The following RNF24 variants were observed in gnomAD, a reference collection of about 807,000 sequenced individuals.
RNF24 encodes the protein ring finger protein 24.
A neutral mutation model predicts 20.0 loss-of-function variants in RNF24; 14 were observed. The ratio of observed to expected loss-of-function variants is 0.70; its 90% CI spans 0.46 to 1.10. The LOEUF (loss-of-function observed/expected upper bound fraction) is 1.10. Among genes scored for constraint, RNF24 ranks in the 50% least tolerant of loss-of-function variants. The pLI, the probability that RNF24 is intolerant of heterozygous loss-of-function variation, is 0.00. For missense variants in RNF24, 124 were observed against 177.6 expected (o/e 0.70, Z 1.71); for synonymous variants, 45 against 61.1 (o/e 0.74, Z 1.23).
chr20:3,948,963 TTTAA>T (rs1285891699), intron 2 of RNF24, among the ~76,000 whole-genome samples: 2 of 152,250 alleles, frequency 1.3e-5, no homozygotes, highest in Admixed American at 1.3e-4. Flanking sequence ...CTGATGAATA[TTTAA>T]TTACTTCCTG....
rs148030329 is a variant in RNF24 at position 3,941,739 on chromosome 20, A to G, written c.228+3438T>C. 8.9e-3 allele frequency among the ~76,000 whole-genome samples: 1,358 copies of G among 152,314 alleles called. 20 individuals are homozygous for G. The highest frequency in any genetic ancestry group is 0.031 in the African/African-American group (1,282 of 41,558). On this transcript the variant is annotated intron_variant, in intron 4 of 5. Coordinates refer to ENST00000358395, the MANE Select transcript of RNF24 (RefSeq NM_001134337.3). ...AACATGACCCAACTATGCTGTCTAC[A>G]AGAAAACTCACTTCAAATATAATTC... is the stretch of plus-strand genomic sequence containing the variant.
chr20:4,006,564 C>T (rs1981891876), intron 1 of RNF24, among the ~76,000 whole-genome samples: 2 of 152,198 alleles, frequency 1.3e-5, no homozygotes, highest in Admixed American at 1.3e-4. Flanking sequence ...AATATAAAAA[C>T]ATTCACTACA....
chr20:3,988,389 C>T (rs1222852715), intron 1 of RNF24, among the ~76,000 whole-genome samples: 2 of 150,740 alleles, frequency 1.3e-5, no homozygotes, highest in African/African-American at 4.9e-5. Context: ...GAATAAACAG[C>T]ACTTATCATT....
At chr20:3,943,922 A>G (rs17286768) in intron 4 of RNF24, among the ~76,000 whole-genome samples, 17,675 of 152,078 alleles carry the variant, frequency 0.12, 1,378 homozygotes, top group Non-Finnish European at 0.17. Context: ...TAAAAAATCA[A>G]ACAGTGGCCG....
intron 1 of RNF24, among the ~76,000 whole-genome samples, chr20:3,985,072 G>A (rs1979768068): frequency 6.6e-6 from 1 of 151,986 alleles, no homozygotes; most frequent in African/African-American, 2.4e-5. Flanking sequence ...AACCACCTAG[G>A]TTTATTGGAA....
intron 1 of RNF24, among the ~76,000 whole-genome samples, chr20:3,978,604 T>C (rs1343026746): frequency 6.6e-6 from 1 of 152,082 alleles, no homozygotes; most frequent in Non-Finnish European, 1.5e-5. Context: ...GATTCTAAGA[T>C]ATTTTTAAAT....
rs141787655 is a variant in RNF24 at position 3,933,341 on chromosome 20, G to T, written c.*722C>A. ...CAGCCTCCTGGATCACTCAGGGACA[G>T]TGTGGACTCAGGGCCCACTCCCTGC... is the stretch of plus-strand genomic sequence containing the variant. On this transcript the variant is annotated 3_prime_UTR_variant, in exon 6 of 6. Coordinates refer to ENST00000358395, the MANE Select transcript of RNF24 (RefSeq NM_001134337.3). The T allele has an allele frequency of 0.011, 4,346 of 397,510 alleles. 24 individuals are homozygous for T. The highest frequency in any genetic ancestry group is 0.014 in the Non-Finnish European group (3,088 of 225,966). The allele number at this position is 397,510 out of a possible 1,614,324, so 24.6% of individuals were successfully genotyped here. A position where few individuals can be genotyped will look rare whatever the true frequency, so the allele number is the denominator to read the frequency against.
chr20:3,946,819 A>C (rs1378790650), intron 3 of RNF24, among the ~76,000 whole-genome samples: 1 of 152,154 alleles, frequency 6.6e-6, no homozygotes, highest in Non-Finnish European at 1.5e-5. Context: ...GGGTTACCTA[A>C]GGACATCAGT....
rs932909832 is a variant in RNF24, at chr20:3,933,258, G to A, written c.*805C>T. The A allele has an allele frequency of 1.0e-5, 4 of 398,018 alleles. No homozygotes were observed. Among genetic ancestry groups the A allele is most frequent in the Non-Finnish European group, 1.8e-5 (4 of 226,092 alleles). The allele number at this position is 398,018 out of a possible 1,614,324, so 24.7% of individuals were successfully genotyped here. ...TTCACAGTGGCTCCCTTCTGAGGCA[G>A]TGGCAGTGGGCTCACAGCAGCTACA... On this transcript the variant is annotated 3_prime_UTR_variant, in exon 6 of 6. Transcript: ENST00000358395.
intron 1 of RNF24, among the ~76,000 whole-genome samples, chr20:3,988,737 G>A (rs1220411094): frequency 1.3e-5 from 2 of 152,144 alleles, no homozygotes; most frequent in Non-Finnish European, 2.9e-5. Context: ...GGGATTACAA[G>A]CGTGAGCCAC....
chr20:3,936,380 C>T (rs1035609566), intron 4 of RNF24, among the ~76,000 whole-genome samples: 3 of 152,190 alleles, frequency 2.0e-5, no homozygotes, highest in African/African-American at 7.2e-5. Flanking sequence ...AAGGACATGG[C>T]CTGTCCCACC....
At chr20:3,996,107 C>G (rs539576010) in intron 1 of RNF24, among the ~76,000 whole-genome samples, 5 of 152,244 alleles carry the variant, frequency 3.3e-5, no homozygotes, top group Non-Finnish European at 1.5e-5. Context: ...TGAAGCTGTA[C>G]AAGATATATG....
At chr20:3,986,536 C>T (rs1311930332) in intron 1 of RNF24, among the ~76,000 whole-genome samples, 1 of 152,190 alleles carries the variant, frequency 6.6e-6, no homozygotes. Context: ...GGATCAGAGG[C>T]ATGAGCCACC....
intron 1 of RNF24, among the ~76,000 whole-genome samples, chr20:3,967,397 C>T (rs1306819873): frequency 6.6e-6 from 1 of 152,026 alleles, no homozygotes; most frequent in Non-Finnish European, 1.5e-5. Context: ...AAATCTCTAG[C>T]CTCAGCCTAA....
Position 4,014,773 on chromosome 20 carries a change from ACAC to A in RNF24, c.-8+661_-8+663del, listed in dbSNP as rs1465762411. Among the ~76,000 whole-genome samples the A allele has an allele frequency of 2.8e-5, 4 of 145,284 alleles. No homozygotes were observed. In the East Asian group the frequency reaches 7.8e-4, roughly 28 times the overall value. ...CACACACACACACACACACACACAC[ACAC>A]ATCATTAGGTCTCCAGAAACAAAGG... On this transcript the variant is annotated intron_variant, in intron 1 of 5. Transcript: ENST00000358395.
chr20:3,998,617 G>A (rs1352762359), intron 1 of RNF24, among the ~76,000 whole-genome samples: 5 of 149,252 alleles, frequency 3.4e-5, no homozygotes, highest in South Asian at 2.1e-4. Flanking sequence ...TTAGCCGGGC[G>A]TGGTGGCGTG....
intron 2 of RNF24, 46 bp downstream of exon 2, chr20:3,963,829 G>T: frequency 7.0e-7 from 1 of 1,426,278 alleles, no homozygotes; most frequent in Non-Finnish European, 9.5e-7. Context: ...CTTGATTATT[G>T]ATTATTTAAC....
At chr20:3,981,001 C>G (rs1337010226) in intron 1 of RNF24, among the ~76,000 whole-genome samples, 1 of 151,838 alleles carries the variant, frequency 6.6e-6, no homozygotes, top group African/African-American at 2.4e-5. Flanking sequence ...GCCCTGAATG[C>G]TTATGGGTTA....
chr20:3,992,417 T>C (rs1980521674), intron 1 of RNF24, among the ~76,000 whole-genome samples: 1 of 152,134 alleles, frequency 6.6e-6, no homozygotes. Flanking sequence ...AATACGGACT[T>C]AGAATAAACT....
Sources: gnomAD v4.1 joint callset for allele counts (sites outside exome capture counted in the v4.1 genomes callset) on GRCh38, gnomAD v4.1.1 for gene constraint, MANE v1.5 for transcripts, NCBI Gene and HGNC (gene_info 2026-07-23, HGNC 2026-07-21) for gene names.